Variants in STAT5B observed in about 807,000 individuals in gnomAD.
STAT5B encodes transcription factor STAT5B.
A neutral mutation model predicts 107.8 loss-of-function variants in STAT5B; 21 were observed. That is an observed-to-expected ratio of 0.19 (90% CI 0.14 to 0.28). STAT5B has a LOEUF of 0.28. Among genes scored for constraint, STAT5B ranks in the 10% least tolerant of loss-of-function variants. The probability of loss-of-function intolerance (pLI) is 1.00; values close to 1 mark genes in which losing one functional copy is unlikely to be tolerated. For missense variants in STAT5B, 565 were observed against 1,008.2 expected (o/e 0.56, Z 5.95); for synonymous variants, 325 against 401.7 (o/e 0.81, Z 2.28).
chr17:42,255,146 C>T lies in STAT5B; in HGVS notation c.-11+21102G>A, dbSNP rs538675585. ...TAATGACACGCAATCAGAACCTCCC[C>T]TGCAGCTGAGGTCCCCTGTGGAGAG... On this transcript the variant is annotated intron_variant, in intron 1 of 18. Coordinates refer to ENST00000293328, the MANE Select transcript of STAT5B (RefSeq NM_012448.4). Among the ~76,000 whole-genome samples the T allele has an allele frequency of 1.8e-4, 27 of 152,314 alleles. 1 individual carries two copies. The highest frequency in any genetic ancestry group is 1.6e-3 in the Admixed American group (25 of 15,292).
intron 1 of STAT5B, among the ~76,000 whole-genome samples, chr17:42,257,608 T>C (rs1037901894): frequency 1.3e-5 from 2 of 152,218 alleles, no homozygotes; most frequent in Non-Finnish European, 2.9e-5. Context: ...CTTTCATGAT[T>C]GCCACAATCA....
chr17:42,199,806 C>A lies in STAT5B; in HGVS notation c.*1932G>T, dbSNP rs145236827. 14 of 152,480 alleles carry A rather than the reference C, an allele frequency of 9.2e-5. No individual in the cohort carries two copies. In the East Asian group the frequency reaches 2.3e-3, roughly 25 times the overall value. 9.4% of individuals were successfully genotyped at this position (152,480 alleles called of 1,614,324 possible). A position where few individuals can be genotyped will look rare whatever the true frequency, so the allele number is the denominator to read the frequency against. On this transcript the variant is annotated 3_prime_UTR_variant, in exon 19 of 19. Transcript: ENST00000293328. ...CAGCAGGCCCTGGGGTGGGTCCACT[C>A]CCAACCTGAAAGTGTATCAAGTCTG...
chr17:42,209,998 A>T (rs1046726619), intron 15 of STAT5B, among the ~76,000 whole-genome samples, 173 bp downstream of exon 15: 1 of 152,182 alleles, frequency 6.6e-6, no homozygotes, highest in Non-Finnish European at 1.5e-5. Context: ...TGTGTTTCCC[A>T]TAATAGTATT....
chr17:42,278,521 T>A (rs558118900), upstream of STAT5B, among the ~76,000 whole-genome samples: 1 of 151,996 alleles, frequency 6.6e-6, no homozygotes, highest in East Asian at 1.9e-4. Flanking sequence ...TGATGATTTT[T>A]TTTTATTTTT....
At chr17:42,252,006 AAAAAAAAG>A (rs1418118897) in intron 1 of STAT5B, among the ~76,000 whole-genome samples, 6 of 151,860 alleles carry the variant, frequency 4.0e-5, no homozygotes, top group East Asian at 3.8e-4. Context: ...CTCAAAAAAA[AAAAAAAAG>A]AAAAAAAGAA....
At chr17:42,232,902 C>T (rs1047067376) in intron 1 of STAT5B, among the ~76,000 whole-genome samples, 12 of 145,180 alleles carry the variant, frequency 8.3e-5, no homozygotes, top group African/African-American at 3.1e-4. Context: ...AGGGCAGTGG[C>T]AAGATCTCGG....
At chr17:42,266,558 A>T (rs534894389) in intron 1 of STAT5B, among the ~76,000 whole-genome samples, 6 of 151,978 alleles carry the variant, frequency 3.9e-5, no homozygotes, top group East Asian at 3.9e-4. Context: ...AAAAAAAAAA[A>T]AAAAAAATCA....
At chr17:42,215,007 A>C (rs1254395131) in intron 12 of STAT5B, among the ~76,000 whole-genome samples, 1 of 152,130 alleles carries the variant, frequency 6.6e-6, no homozygotes, top group Non-Finnish European at 1.5e-5. Context: ...GGCCTCCTGG[A>C]GTGCTGGGAT....
At chr17:42,262,855 CACACATATATGTGTGTGTATATAT>C (rs1567677056) in intron 1 of STAT5B, among the ~76,000 whole-genome samples, 2 of 87,808 alleles carry the variant, frequency 2.3e-5, no homozygotes, top group African/African-American at 1.1e-4. Context: ...TATGTATATA[CACACATATATGTGTGTGTATATAT>C]ACACATATAT....
upstream of STAT5B, among the ~76,000 whole-genome samples, chr17:42,279,416 G>T (rs1414137397): frequency 6.6e-6 from 1 of 152,210 alleles, no homozygotes; most frequent in Non-Finnish European, 1.5e-5. Flanking sequence ...CAGCTAAGAT[G>T]AATACTCCTC....
At chr17:42,217,806 G>C (rs2080185584) in intron 9 of STAT5B, 1 of 438,972 alleles carries the variant, frequency 2.3e-6, no homozygotes, top group East Asian at 5.1e-5. Flanking sequence ...CCAGGTTCAA[G>C]GGATTCTCCT....
chr17:42,237,037 A>C (rs778936789), intron 1 of STAT5B, among the ~76,000 whole-genome samples: 1 of 152,180 alleles, frequency 6.6e-6, no homozygotes, highest in Non-Finnish European at 1.5e-5. Flanking sequence ...ATGGATTCAC[A>C]ATCTTATTTT....
At position 42,264,657 on chromosome 17, in the gene STAT5B, G is replaced by A. The variant is rs1280634071; in HGVS notation, c.-11+11591C>T. 2.4e-4 allele frequency among the ~76,000 whole-genome samples: 37 copies of A among 151,708 alleles called. 1 individual carries two copies. Among genetic ancestry groups the A allele is most frequent in the Middle Eastern group, 3.4e-3 (1 of 294 alleles). ...AGTCTTTGCTATTGTGAATACTGCC[G>A]CAATAAACATACGTGTGCATGTGTC... On this transcript the variant is annotated intron_variant, in intron 1 of 18. Coordinates refer to ENST00000293328, the MANE Select transcript of STAT5B (RefSeq NM_012448.4).
At chr17:42,279,510 G>A (rs1430594224), upstream of STAT5B, among the ~76,000 whole-genome samples, 5 of 152,164 alleles carry the variant, frequency 3.3e-5, no homozygotes, top group South Asian at 8.3e-4. Context: ...GAAGGGGGCC[G>A]GGCGCAGTGG....
intron 5 of STAT5B, among the ~76,000 whole-genome samples, chr17:42,220,758 G>A (rs142283713): frequency 6.6e-6 from 1 of 152,122 alleles, no homozygotes; most frequent in East Asian, 1.9e-4. Context: ...TTGATGGCGG[G>A]ACAGGGAGTA....
chr17:42,287,337 C>CCCCCG, the STAT5B span, among the ~76,000 whole-genome samples: 5,228 of 151,000 alleles, frequency 0.035, 312 homozygotes, highest in African/African-American at 0.12. Flanking sequence ...TGCACCCCCC[C>CCCCCG]CAACAGAACA....
chr17:42,222,325 G>C (rs1488135812), intron 5 of STAT5B, among the ~76,000 whole-genome samples: 1 of 152,058 alleles, frequency 6.6e-6, no homozygotes, highest in Admixed American at 6.6e-5. Context: ...GGGTCAAAAG[G>C]GGGCGCTGGT....
the STAT5B span, among the ~76,000 whole-genome samples, chr17:42,282,442 G>C: frequency 6.6e-6 from 1 of 152,124 alleles, no homozygotes; most frequent in Non-Finnish European, 1.5e-5. Flanking sequence ...TCCTGCCTCA[G>C]CCTCCCAAAT....
chr17:42,217,026 G>A, intron 11 of STAT5B, 134 bp downstream of exon 11: 1 of 1,467,204 alleles, frequency 6.8e-7, no homozygotes, highest in Non-Finnish European at 9.2e-7. Flanking sequence ...CTCAGGGTGA[G>A]GTCAGTCCAT....
Sources: gnomAD v4.1 joint callset for allele counts (sites outside exome capture counted in the v4.1 genomes callset) on GRCh38, gnomAD v4.1.1 for gene constraint, MANE v1.5 for transcripts, NCBI Gene and HGNC (gene_info 2026-07-23, HGNC 2026-07-21) for gene names.